The following MTMR12 variants were observed in gnomAD, a reference collection of about 807,000 sequenced individuals.
MTMR12 encodes the protein myotubularin-related protein 12.
In MTMR12, 33 loss-of-function variants were observed where a neutral mutation model predicts 96.7. The observed-to-expected ratio is 0.34, with a 90% CI of 0.26 to 0.46. MTMR12 has a LOEUF of 0.46. Ranked by LOEUF, MTMR12 falls within the 20% of genes least tolerant of loss-of-function variation. The pLI, the probability that MTMR12 is intolerant of heterozygous loss-of-function variation, is 1.00. For synonymous variants in MTMR12, 298 were observed against 327.2 expected (o/e 0.91, Z 0.96); for missense variants, 721 against 896.1 (o/e 0.80, Z 2.49).
chr5:32,233,626 T>C lies in MTMR12; in HGVS notation c.1674+147A>G. 8.6e-7 allele frequency: 1 copy of C among 1,158,030 alleles called. No individual in the cohort carries two copies. Among genetic ancestry groups the C allele is most frequent in the Non-Finnish European group, 1.2e-6 (1 of 812,960 alleles). 71.7% of individuals were successfully genotyped at this position (1,158,030 alleles called of 1,614,324 possible). A position where few individuals can be genotyped will look rare whatever the true frequency, so the allele number is the denominator to read the frequency against. On this transcript the variant is annotated intron_variant, in intron 15 of 15. Transcript: ENST00000382142. The surrounding 1 kb of genome is among the most constrained non-coding windows in gnomAD (Gnocchi z 5.0). ...TGAAAGCAAAGGATTCTAATGGCCC[T>C]TGACAATTTGACCATCACAAGTCTC...
At chr5:32,274,157 C>T in intron 2 of MTMR12, 35 bp from the exon 3 acceptor site, 2 of 1,605,344 alleles carry the variant, frequency 1.2e-6, no homozygotes, top group Non-Finnish European at 1.7e-6. Context: ...CCTTAGAGTT[C>T]TCAGGGAACA....
At chr5:32,234,743 T>C (rs1748140414) in intron 14 of MTMR12, 1 of 408,970 alleles carries the variant, frequency 2.4e-6, no homozygotes. Context: ...GCTTGGTATG[T>C]AGTTAGTGTT....
chr5:32,273,308 G>A (rs1413418035), intron 3 of MTMR12, among the ~76,000 whole-genome samples: 2 of 152,100 alleles, frequency 1.3e-5, no homozygotes, highest in East Asian at 3.9e-4. Context: ...GGCTGAGGTG[G>A]GAGGATTACT....
intron 2 of MTMR12, among the ~76,000 whole-genome samples, chr5:32,276,009 T>C (rs1329127085): frequency 2.0e-5 from 3 of 152,146 alleles, no homozygotes; most frequent in Non-Finnish European, 4.4e-5. Context: ...AAAAGCTATT[T>C]TGAATTAAGA....
chr5:32,266,871 A>G (rs1749618946), intron 6 of MTMR12, among the ~76,000 whole-genome samples: 2 of 150,682 alleles, frequency 1.3e-5, no homozygotes. Flanking sequence ...CGAGATCAGG[A>G]GTTAGAGACC....
At position 32,312,476 on chromosome 5, in the gene MTMR12, G is replaced by T. The variant is rs979821018; in HGVS notation, c.81+282C>A. On this transcript the variant is annotated intron_variant, in intron 1 of 15. Transcript: ENST00000382142. This position sits in a 1 kb window ranked among gnomAD's most constrained non-coding sequence, Gnocchi z 5.0. ...CCCAGGTCCTCTCCAGAATCCCCAG[G>T]GGCGTTCCGGGCCGCAATCCCTTCT... Among the ~76,000 whole-genome samples the T allele has an allele frequency of 1.5e-4, 23 of 152,300 alleles. No homozygotes were observed. Among genetic ancestry groups the T allele is most frequent in the African/African-American group, 5.3e-4 (22 of 41,582 alleles).
At chr5:32,250,048 A>G (rs1748855974) in intron 8 of MTMR12, among the ~76,000 whole-genome samples, 1 of 152,198 alleles carries the variant, frequency 6.6e-6, no homozygotes, top group Admixed American at 6.5e-5. Flanking sequence ...CCAGGTATAA[A>G]CCATGTGTTG....
rs181230500 is a variant in MTMR12, at chr5:32,277,681, A to G, written c.82-939T>C. ...GCCACTGCACTCCAGCCTGGGTAACAGTGGGACTCTGTCTCAAAAAAAAAA... is the reference window on the plus strand; with the variant it reads ...GCCACTGCACTCCAGCCTGGGTAACGGTGGGACTCTGTCTCAAAAAAAAAA... On this transcript the variant is annotated intron_variant, in intron 1 of 15. Coordinates refer to ENST00000382142, the MANE Select transcript of MTMR12 (RefSeq NM_001040446.3). 1.1e-3 allele frequency among the ~76,000 whole-genome samples: 169 copies of G among 151,580 alleles called. 1 individual carries two copies. The highest frequency in any genetic ancestry group is 1.7e-3 in the Non-Finnish European group (116 of 67,982).
At chr5:32,286,408 T>A (rs1445893504) in intron 1 of MTMR12, among the ~76,000 whole-genome samples, 1 of 152,026 alleles carries the variant, frequency 6.6e-6, no homozygotes, top group Non-Finnish European at 1.5e-5. Flanking sequence ...CATGCACTTA[T>A]CCCAGCTACT....
rs1055819989 is a variant in MTMR12 at position 32,240,117 on chromosome 5, T to A, written c.1172-944A>T. Among the ~76,000 whole-genome samples the A allele has an allele frequency of 3.9e-5, 6 of 152,274 alleles. No homozygotes were observed. In the South Asian group the frequency reaches 1.2e-3, roughly 32 times the overall value. On this transcript the variant is annotated intron_variant, in intron 12 of 15. Transcript: ENST00000382142. The stretch of plus-strand genomic sequence containing the variant: ...GTTAGAGAAACTTAAGAATGAATTG[T>A]AGGCCGGGCGCGGTGGCTCATGCCT...
chr5:32,236,708 A>G (rs1748246017), intron 13 of MTMR12, among the ~76,000 whole-genome samples: 1 of 151,920 alleles, frequency 6.6e-6, no homozygotes, highest in Admixed American at 6.6e-5. Context: ...ATGGAGGGGA[A>G]TGCCTGTAAT....
At position 32,309,289 on chromosome 5, in the gene MTMR12, T is replaced by C. The variant is rs531671551; in HGVS notation, c.81+3469A>G. ...AGAAAAGTTTAAAGATCAGTTGCAC[T>C]TCAACCAGGGTTCTATCAAAAAAAG... On this transcript the variant is annotated intron_variant, in intron 1 of 15. Transcript: ENST00000382142. 3.9e-5 allele frequency among the ~76,000 whole-genome samples: 6 copies of C among 152,282 alleles called. No individual in the cohort carries two copies. In the East Asian group the frequency reaches 1.2e-3, roughly 29 times the overall value.
chr5:32,237,424 G>A (rs143991048), intron 13 of MTMR12, among the ~76,000 whole-genome samples: 56 of 152,264 alleles, frequency 3.7e-4, no homozygotes, highest in African/African-American at 1.3e-3. Flanking sequence ...GATTAGTCCA[G>A]ACAGAAGCAG....
In MTMR12 at chr5:32,233,861, T is replaced by C. The variant is rs778759872; in HGVS notation, c.1586A>G (p.Glu529Gly). 3 of 1,614,168 alleles carry C rather than the reference T, an allele frequency of 1.9e-6. No homozygotes were observed. The Admixed American group carries it at 5.0e-5, about 27-fold the overall frequency. Residue 529 changes from glutamate (E) to glycine (G), a missense_variant, in exon 15 of 16, where the codon GAA becomes GGA. Glu to Gly is a moderately conservative substitution (Grantham distance 98, BLOSUM62 -2). Transcript: ENST00000382142. The surrounding 1 kb of genome is among the most constrained non-coding windows in gnomAD (Gnocchi z 5.0). ...LTVWDWSVQFEPKAQTLLKNP... is the reference protein window; with the variant it reads ...LTVWDWSVQFGPKAQTLLKNP... Reference sequence around the variant, plus strand: ...TTTGAGCAATGTCTGGGCTTTGGGTTCAAACTGCACCGACCAATCCCACAC... The same window carrying C: ...TTTGAGCAATGTCTGGGCTTTGGGTCCAAACTGCACCGACCAATCCCACAC...
chr5:32,229,836 C>T lies in MTMR12; in HGVS notation c.2186G>A (p.Gly729Glu), dbSNP rs753321422. The T allele has an allele frequency of 6.3e-7, 1 of 1,593,594 alleles. No homozygotes were observed. The highest frequency in any genetic ancestry group is 1.1e-5 in the South Asian group (1 of 87,990). Residue 729 changes from glycine (G) to glutamate (E), a missense_variant, in exon 16 of 16, where the codon GGA becomes GAA. Transcript: ENST00000382142. ...VLPTSGWKALGDEDDLAKRED... is the reference protein window; with the variant it reads ...VLPTSGWKALEDEDDLAKRED... ...TCGTTTGGCCAAATCGTCTTCATCT[C>T]CCAAAGCTTTCCAGCCACTGGTGGG...
intron 14 of MTMR12, chr5:32,234,733 G>A (rs1748139890): frequency 8.0e-6 from 3 of 374,896 alleles, no homozygotes; most frequent in Non-Finnish European, 1.5e-5. Context: ...TTAGACCAAT[G>A]CTTGGTATGT....
chr5:32,289,054 A>G (rs1408681928), intron 1 of MTMR12, among the ~76,000 whole-genome samples: 1 of 152,208 alleles, frequency 6.6e-6, no homozygotes, highest in Non-Finnish European at 1.5e-5. Context: ...TTTAAATACA[A>G]TGGGAATAAC....
rs1445188423 is a variant in MTMR12 at position 32,233,968 on chromosome 5, A to G, written c.1513-34T>C. The stretch of plus-strand genomic sequence containing the variant: ...ACAAGCACAGGTCATGCTGTTTTCC[A>G]GGGAGGGCTGAGGAAGGCAAACACA... On this transcript the variant is annotated intron_variant, in intron 14 of 15. Transcript: ENST00000382142. The surrounding 1 kb of genome is among the most constrained non-coding windows in gnomAD (Gnocchi z 5.0). The G allele has an allele frequency of 1.2e-6, 2 of 1,612,984 alleles. No homozygotes were observed. Among genetic ancestry groups the G allele is most frequent in the Non-Finnish European group, 1.7e-6 (2 of 1,179,164 alleles).
intron 7 of MTMR12, among the ~76,000 whole-genome samples, chr5:32,261,988 C>G (rs1460294087): frequency 6.6e-6 from 1 of 152,142 alleles, no homozygotes; most frequent in East Asian, 1.9e-4. Context: ...AGGAGAATGG[C>G]GTGAACCCAG....
Sources: gnomAD v4.1 joint callset for allele counts (sites outside exome capture counted in the v4.1 genomes callset) on GRCh38, gnomAD v4.1.1 for gene constraint, Gnocchi (gnomAD v3.1) non-coding constraint, MANE v1.5 for transcripts, NCBI Gene and HGNC (gene_info 2026-07-23, HGNC 2026-07-21) for gene names.